The following SNX3 variants were observed in gnomAD, a reference collection of about 807,000 sequenced individuals.
SNX3 encodes the protein sorting nexin-3.
SNX3 carries 5 observed loss-of-function variants against 17.7 expected under a neutral mutation model. That is an observed-to-expected ratio of 0.28 (90% CI 0.15 to 0.59). SNX3 has a LOEUF of 0.59. SNX3 is among the 20% of genes least tolerant of loss of function. SNX3 has a pLI of 0.88. For missense variants in SNX3, 132 were observed against 206.8 expected, an observed-to-expected ratio of 0.64 and a Z score of 2.22; for synonymous variants, 91 against 76.5, an observed-to-expected ratio of 1.19 and a Z score of -0.99.
chr6:108,224,788 GAGCTTTAA>G (rs1020488012), intron 1 of SNX3, among the ~76,000 whole-genome samples: 1 of 152,146 alleles, frequency 6.6e-6, no homozygotes, highest in African/African-American at 2.4e-5. Context: ...CATAAACCCA[GAGCTTTAA>G]AGGCGGAGGG....
intron 1 of SNX3, among the ~76,000 whole-genome samples, chr6:108,233,866 G>A (rs1289036991): frequency 2.6e-5 from 4 of 152,162 alleles, no homozygotes; most frequent in African/African-American, 7.2e-5. Flanking sequence ...CTCTTTAAGG[G>A]TAGTGATTTG....
At chr6:108,241,077 G>A (rs509134) in intron 1 of SNX3, among the ~76,000 whole-genome samples, 4,064 of 144,048 alleles carry the variant, frequency 0.028, 188 homozygotes, top group African/African-American at 0.092. Context: ...GGGAGGTGGA[G>A]GTTGCAGTGA....
rs1252616840 is a variant in SNX3 at position 108,260,880 on chromosome 6, C to T, written c.42G>A (p.Lys14=). Residue 14 remains lysine, a synonymous_variant, in exon 1 of 4, where the codon AAG becomes AAA. Transcript: ENST00000230085. ...CGTAGGCGTCATTCAGGTTCTGCGG[C>T]TTGGTGATCAGCCGCCGGGTGTCAG... The part of the protein sequence containing the change: ...TVADTRRLIT[K]PQNLNDAYGP... The T allele has an allele frequency of 3.1e-6, 5 of 1,611,192 alleles. No homozygotes were observed. Among genetic ancestry groups the T allele is most frequent in the South Asian group, 1.1e-5 (1 of 91,026 alleles).
At chr6:108,222,368 T>A (rs749196141) in intron 2 of SNX3, 2 of 1,298,990 alleles carry the variant, frequency 1.5e-6, no homozygotes. Context: ...TTTATTTTGA[T>A]GCCAAAGCTA....
At chr6:108,226,309 C>T (rs111789944) in intron 1 of SNX3, among the ~76,000 whole-genome samples, 24 of 152,182 alleles carry the variant, frequency 1.6e-4, no homozygotes, top group Middle Eastern at 3.4e-3. Flanking sequence ...CCTGAGTACA[C>T]GCAATCCATC....
chr6:108,230,732 T>C (rs1775120644), intron 1 of SNX3, among the ~76,000 whole-genome samples: 1 of 152,192 alleles, frequency 6.6e-6, no homozygotes, highest in African/African-American at 2.4e-5. Flanking sequence ...TCAAGGGTTC[T>C]ATATTAGAAA....
intron 1 of SNX3, among the ~76,000 whole-genome samples, chr6:108,237,705 C>T (rs561241151): frequency 8.2e-4 from 125 of 151,848 alleles, no homozygotes; most frequent in African/African-American, 2.9e-3. Context: ...AGGAGAATCA[C>T]GTGAACCAGG....
At chr6:108,221,328 T>C (rs1362584282) in intron 2 of SNX3, among the ~76,000 whole-genome samples, 4 of 151,728 alleles carry the variant, frequency 2.6e-5, no homozygotes, top group Non-Finnish European at 5.9e-5. Context: ...ATATTTTTCC[T>C]GCCTTCTCTT....
intron 2 of SNX3, among the ~76,000 whole-genome samples, chr6:108,221,808 G>T (rs1484353814): frequency 6.6e-6 from 1 of 152,140 alleles, no homozygotes; most frequent in Non-Finnish European, 1.5e-5. Context: ...GCCTCCTGAA[G>T]TGCTGGGATT....
intron 1 of SNX3, among the ~76,000 whole-genome samples, chr6:108,235,551 C>T (rs1403773507): frequency 1.3e-5 from 2 of 152,134 alleles, no homozygotes; most frequent in East Asian, 1.9e-4. Flanking sequence ...AAACAAGATG[C>T]AGATCATGAG....
At chr6:108,218,240 T>C (rs1018534374) in intron 2 of SNX3, among the ~76,000 whole-genome samples, 2 of 152,172 alleles carry the variant, frequency 1.3e-5, no homozygotes, top group Non-Finnish European at 2.9e-5. Flanking sequence ...TCAATAAAGA[T>C]GTCTCCAAAG....
At chr6:108,231,646 G>C (rs185746263) in intron 1 of SNX3, among the ~76,000 whole-genome samples, 34 of 152,296 alleles carry the variant, frequency 2.2e-4, no homozygotes, top group South Asian at 1.2e-3. Context: ...TCCTCCAATA[G>C]TTATCTTTTC....
intron 1 of SNX3, among the ~76,000 whole-genome samples, chr6:108,235,098 A>T (rs924864398): frequency 7.9e-5 from 12 of 152,242 alleles, no homozygotes; most frequent in Admixed American, 5.2e-4. Context: ...CTCAATATTT[A>T]AATATCTTTT....
intron 1 of SNX3, among the ~76,000 whole-genome samples, chr6:108,253,353 C>G (rs1033838773): frequency 2.0e-5 from 3 of 151,718 alleles, no homozygotes; most frequent in African/African-American, 7.3e-5. Flanking sequence ...CAGCGAGAAC[C>G]TGTCTCCAAA....
intron 1 of SNX3, among the ~76,000 whole-genome samples, chr6:108,228,964 T>C (rs921405674): frequency 6.6e-6 from 1 of 151,992 alleles, no homozygotes; most frequent in Non-Finnish European, 1.5e-5. Flanking sequence ...ATGTATGACA[T>C]GTAAAAAGTT....
intron 2 of SNX3, 66 bp from the exon 3 acceptor site, chr6:108,214,688 C>A: frequency 1.3e-6 from 2 of 1,532,894 alleles, no homozygotes; most frequent in East Asian, 2.3e-5. Context: ...TAGAGCACAA[C>A]ATGAAGACAA....
At chr6:108,232,321 G>A (rs1037398113) in intron 1 of SNX3, among the ~76,000 whole-genome samples, 2 of 152,116 alleles carry the variant, frequency 1.3e-5, no homozygotes, top group African/African-American at 2.4e-5. Flanking sequence ...CATCAGGAAT[G>A]CAAATGGATA....
At chr6:108,243,900 C>A (rs1220493707) in intron 1 of SNX3, among the ~76,000 whole-genome samples, 1 of 152,090 alleles carries the variant, frequency 6.6e-6, no homozygotes, top group African/African-American at 2.4e-5. Flanking sequence ...GCCACTGCAT[C>A]CCAGCCTGGG....
intron 1 of SNX3, 54 bp downstream of exon 1, chr6:108,260,706 G>A (rs1562445882): frequency 6.2e-7 from 1 of 1,604,686 alleles, no homozygotes; most frequent in Non-Finnish European, 8.5e-7. Flanking sequence ...GTCGAGTGGG[G>A]GTGACCAGAG....
Sources: allele counts gnomAD v4.1 joint callset (sites outside exome capture counted in the v4.1 genomes callset), GRCh38; gene constraint gnomAD v4.1.1; transcripts MANE v1.5; gene names NCBI Gene and HGNC (gene_info 2026-07-23, HGNC 2026-07-21).